The following STK32B variants were observed in gnomAD, a reference collection of about 807,000 sequenced individuals.
STK32B encodes the protein serine/threonine-protein kinase 32B.
In STK32B, 43 loss-of-function variants were observed where a neutral mutation model predicts 52.6. That is an observed-to-expected ratio of 0.82 (90% confidence interval 0.64 to 1.05). STK32B has a LOEUF of 1.05. STK32B is among the 50% of genes least tolerant of loss of function. The pLI, the probability that STK32B is intolerant of heterozygous loss-of-function variation, is 0.00. For missense variants in STK32B, 621 were observed against 534.6 expected, an observed-to-expected ratio of 1.16 and a Z score of -1.59; for synonymous variants, 238 against 204.3, an observed-to-expected ratio of 1.17 and a Z score of -1.41.
chr4:5,152,374 C>G (rs1478543036), intron 2 of STK32B, among the ~76,000 whole-genome samples: 1 of 152,218 alleles, frequency 6.6e-6, no homozygotes, highest in Non-Finnish European at 1.5e-5. Context: ...TAGCCTCACC[C>G]TGGTCCTGGC....
At chr4:5,497,634 GCTGGT>G (rs1720400513) in intron 11 of STK32B, among the ~76,000 whole-genome samples, 3 of 152,198 alleles carry the variant, frequency 2.0e-5, no homozygotes, top group African/African-American at 7.2e-5. Flanking sequence ...CAGTGTTGCT[GCTGGT>G]ATTTCAGTGT....
intron 3 of STK32B, among the ~76,000 whole-genome samples, chr4:5,257,147 A>G (rs1337144597): frequency 6.6e-6 from 1 of 151,964 alleles, no homozygotes; most frequent in African/African-American, 2.4e-5. Flanking sequence ...GGGTGAATGA[A>G]TGAGCGGGCA....
At chr4:5,258,417 G>C (rs759641124) in intron 3 of STK32B, among the ~76,000 whole-genome samples, 2 of 152,104 alleles carry the variant, frequency 1.3e-5, no homozygotes, top group Non-Finnish European at 2.9e-5. Context: ...AATAAATGTT[G>C]CTGGTGAATG....
Position 5,051,656 on chromosome 4 carries a change from G to C in STK32B, c.-208G>C, listed in dbSNP as rs932133838. The C allele has an allele frequency of 3.5e-6, 2 of 568,390 alleles. No individual in the cohort carries two copies. Among genetic ancestry groups the C allele is most frequent in the African/African-American group, 4.0e-5 (2 of 49,598 alleles). The allele number at this position is 568,390 out of a possible 1,614,324, so 35.2% of individuals were successfully genotyped here. Reference sequence around the variant, plus strand: ...CACGGCGGAAGGCGCGGCGAGAGCGGGGTCCCTGCGAGCGCAGTCGGAAGG... The same window carrying C: ...CACGGCGGAAGGCGCGGCGAGAGCGCGGTCCCTGCGAGCGCAGTCGGAAGG... On this transcript the variant is annotated 5_prime_UTR_variant, in exon 1 of 12. Transcript: ENST00000282908.
intron 3 of STK32B, among the ~76,000 whole-genome samples, chr4:5,198,607 C>T (rs1051609374): frequency 5.9e-5 from 9 of 152,158 alleles, no homozygotes; most frequent in Non-Finnish European, 1.0e-4. Context: ...CTCTCACTCT[C>T]TCTGCAGCAT....
the STK32B span, among the ~76,000 whole-genome samples, chr4:5,025,514 C>T: frequency 6.6e-5 from 10 of 152,306 alleles, no homozygotes; most frequent in East Asian, 1.9e-3. Context: ...GTAAATATCC[C>T]TACTCCTTTA....
intron 4 of STK32B, among the ~76,000 whole-genome samples, chr4:5,392,686 C>G (rs1219310028): frequency 1.3e-5 from 2 of 152,122 alleles, no homozygotes; most frequent in African/African-American, 4.8e-5. Flanking sequence ...ATAGTTCTCT[C>G]TTTATCAGTA....
the STK32B span, among the ~76,000 whole-genome samples, chr4:5,022,053 C>T: frequency 5.9e-4 from 90 of 152,142 alleles, 1 homozygote; most frequent in African/African-American, 2.1e-3. Context: ...CTGTGCCGAG[C>T]CCAACACACA....
At chr4:5,142,784 C>T (rs1471887176) in intron 2 of STK32B, among the ~76,000 whole-genome samples, 2 of 152,160 alleles carry the variant, frequency 1.3e-5, no homozygotes, top group African/African-American at 2.4e-5. Context: ...GGTCAAACAT[C>T]GATCTAGATG....
At chr4:5,382,442 A>T (rs981335739) in intron 4 of STK32B, among the ~76,000 whole-genome samples, 3 of 152,118 alleles carry the variant, frequency 2.0e-5, no homozygotes, top group Non-Finnish European at 4.4e-5. Context: ...CCTTGGGGTC[A>T]TCTGCATTCC....
At chr4:5,182,750 C>T (rs751942988) in intron 3 of STK32B, among the ~76,000 whole-genome samples, 7 of 151,428 alleles carry the variant, frequency 4.6e-5, no homozygotes, top group South Asian at 2.1e-4. Context: ...TGAGCCACTG[C>T]GCCCAGCCCC....
chr4:5,419,964 C>T (rs151087540), intron 6 of STK32B, among the ~76,000 whole-genome samples: 54 of 152,256 alleles, frequency 3.5e-4, no homozygotes, highest in African/African-American at 1.2e-3. Flanking sequence ...TGTCAGGTAC[C>T]GAGCTAAGTG....
At chr4:5,318,146 T>G (rs1355888219) in intron 3 of STK32B, among the ~76,000 whole-genome samples, 1 of 152,142 alleles carries the variant, frequency 6.6e-6, no homozygotes, top group Non-Finnish European at 1.5e-5. Flanking sequence ...CATGCACTTG[T>G]GTGTGTGATT....
At chr4:5,413,463 G>A (rs1019856063) in intron 5 of STK32B, among the ~76,000 whole-genome samples, 1 of 152,100 alleles carries the variant, frequency 6.6e-6, no homozygotes, top group Admixed American at 6.5e-5. Flanking sequence ...TTTCCTTGTG[G>A]TCGCAAATAG....
At chr4:5,440,289 G>C (rs57134383) in intron 6 of STK32B, among the ~76,000 whole-genome samples, 1 of 152,094 alleles carries the variant, frequency 6.6e-6, no homozygotes, top group Non-Finnish European at 1.5e-5. Context: ...TTGAGCAGTG[G>C]CTTGTAGTTC....
chr4:5,364,521 C>T (rs903668094), intron 4 of STK32B, among the ~76,000 whole-genome samples: 2 of 152,196 alleles, frequency 1.3e-5, no homozygotes, highest in African/African-American at 4.8e-5. Flanking sequence ...ATTCATATAC[C>T]AACCCAAGAG....
At chr4:5,341,460 A>G (rs139565891) in intron 4 of STK32B, among the ~76,000 whole-genome samples, 2 of 152,198 alleles carry the variant, frequency 1.3e-5, no homozygotes, top group Non-Finnish European at 2.9e-5. Flanking sequence ...ACCACATTTT[A>G]TCTAGCTAGG....
chr4:5,426,003 T>G (rs896828144), intron 6 of STK32B, among the ~76,000 whole-genome samples: 6 of 152,208 alleles, frequency 3.9e-5, no homozygotes, highest in Non-Finnish European at 8.8e-5. Context: ...TGTTCATCAG[T>G]TGAGGGGCAC....
chr4:5,191,055 G>C (rs1721160773), intron 3 of STK32B, among the ~76,000 whole-genome samples: 1 of 152,160 alleles, frequency 6.6e-6, no homozygotes, highest in African/African-American at 2.4e-5. Context: ...CCAGCCAGTG[G>C]CATCTTATCT....
Sources: gnomAD v4.1 joint callset for allele counts (sites outside exome capture counted in the v4.1 genomes callset) on GRCh38, gnomAD v4.1.1 for gene constraint, MANE v1.5 for transcripts, NCBI Gene and HGNC (gene_info 2026-07-23, HGNC 2026-07-21) for gene names.